Variants in SCAMP4 observed in about 807,000 individuals in gnomAD.
SCAMP4 encodes the protein secretory carrier membrane protein 4.
A neutral mutation model predicts 32.1 loss-of-function variants in SCAMP4; 19 were observed. That is an observed-to-expected ratio of 0.59 (90% CI 0.41 to 0.87). The LOEUF is 0.87. Among genes scored for constraint, SCAMP4 ranks in the 40% least tolerant of loss-of-function variants. The probability of loss-of-function intolerance (pLI) is 0.00; values close to 1 mark genes in which losing one functional copy is unlikely to be tolerated. For missense variants in SCAMP4, 302 were observed against 309.0 expected, an observed-to-expected ratio of 0.98 and a Z score of 0.17; for synonymous variants, 152 against 132.7, an observed-to-expected ratio of 1.15 and a Z score of -1.00.
chr19:1,920,965 A>ATCTCC (rs1156248199), intron 5 of SCAMP4: 87 of 985,276 alleles, frequency 8.8e-5, no homozygotes, highest in Non-Finnish European at 9.5e-5. Context: ...CCCGCAGGTC[A>ATCTCC]CGGGAGAAGC....
intron 4 of SCAMP4, 115 bp downstream of exon 4, chr19:1,918,398 A>G: frequency 2.5e-6 from 3 of 1,184,232 alleles, no homozygotes; most frequent in Non-Finnish European, 3.4e-6. Context: ...TGTGAAAGAC[A>G]GTTCACATCT....
chr19:1,923,650 G>A (rs139320599), intron 6 of SCAMP4, among the ~76,000 whole-genome samples: 2,265 of 114,342 alleles, frequency 0.02, 67 homozygotes, highest in African/African-American at 0.073. Context: ...ACAGAGTCTC[G>A]CTCTGTCACC....
At position 1,914,997 on chromosome 19, in the gene SCAMP4, C is replaced by T. The variant is rs2013682632; in HGVS notation, c.-23C>T. On this transcript the variant is annotated 5_prime_UTR_variant, in exon 2 of 7. Coordinates refer to ENST00000316097, the MANE Select transcript of SCAMP4 (RefSeq NM_079834.4). ...CTTCCAGGCGGCTGCAGGCTTCAGC[C>T]TGCGCTGGTTGGTGAAACAGAGATG... is the stretch of plus-strand genomic sequence containing the variant. 3 of 1,613,778 alleles carry T rather than the reference C, an allele frequency of 1.9e-6. No homozygotes were observed. Among genetic ancestry groups the T allele is most frequent in the Non-Finnish European group, 2.5e-6 (3 of 1,179,834 alleles).
intron 1 of SCAMP4, among the ~76,000 whole-genome samples, chr19:1,914,338 G>C (rs1307424424): frequency 6.6e-6 from 1 of 152,152 alleles, no homozygotes; most frequent in African/African-American, 2.4e-5. Flanking sequence ...CTGGACTGTG[G>C]GCGGGAGGCA....
chr19:1,910,450 G>A (rs1242137178), intron 1 of SCAMP4, among the ~76,000 whole-genome samples: 2 of 152,124 alleles, frequency 1.3e-5, no homozygotes, highest in African/African-American at 4.8e-5. Flanking sequence ...GTAGGGTGGT[G>A]AGACAAGTTT....
At chr19:1,912,032 C>A in intron 1 of SCAMP4, 1 of 1,416,280 alleles carries the variant, frequency 7.1e-7, no homozygotes, top group Non-Finnish European at 9.2e-7. Flanking sequence ...CTCCCCCAGC[C>A]GCCCGCAGCC....
chr19:1,918,773 A>G (rs1599252508), intron 4 of SCAMP4, 116 bp from the exon 5 acceptor site: 1 of 1,434,078 alleles, frequency 7.0e-7, no homozygotes, highest in South Asian at 1.4e-5. Flanking sequence ...AAAAAAAAAA[A>G]AAAGGAATAA....
At chr19:1,917,909 G>A (rs763128437) in intron 3 of SCAMP4, 87 bp downstream of exon 3, 242 of 1,554,296 alleles carry the variant, frequency 1.6e-4, no homozygotes, top group Non-Finnish European at 2.0e-4. Flanking sequence ...GCAGCCCGTC[G>A]GGGGCCCACC....
chr19:1,909,773 A>G (rs1161486647), intron 1 of SCAMP4, among the ~76,000 whole-genome samples: 1 of 152,174 alleles, frequency 6.6e-6, no homozygotes, highest in Non-Finnish European at 1.5e-5. Flanking sequence ...TCTGTGACTG[A>G]GTAAGCAGGG....
rs762871409 is a variant in SCAMP4 at position 1,912,875 on chromosome 19, C to G, written c.-41-2104C>G. Reference sequence around the variant, plus strand: ...CCCCGGCCGCTGCCCCCCAGGCCGTCCGCGCAGGCGCCGTGCGTAAACTGG... The same window carrying G: ...CCCCGGCCGCTGCCCCCCAGGCCGTGCGCGCAGGCGCCGTGCGTAAACTGG... On this transcript the variant is annotated intron_variant, in intron 1 of 6. Coordinates refer to ENST00000316097, the MANE Select transcript of SCAMP4 (RefSeq NM_079834.4). The G allele has an allele frequency of 3.7e-6, 6 of 1,602,638 alleles. No individual in the cohort carries two copies. In the African/African-American group the frequency reaches 6.7e-5, roughly 18 times the overall value.
intron 6 of SCAMP4, among the ~76,000 whole-genome samples, chr19:1,923,615 C>CTTTTTTTTTTTT (rs35226425): frequency 1.2e-5 from 1 of 86,466 alleles, no homozygotes; most frequent in Non-Finnish European, 2.0e-5. Flanking sequence ...CAGCAAAATG[C>CTTTTTTTTTTTT]TTTTTTTTTT....
At chr19:1,911,329 G>T (rs903720730) in intron 1 of SCAMP4, among the ~76,000 whole-genome samples, 28 of 152,126 alleles carry the variant, frequency 1.8e-4, no homozygotes, top group African/African-American at 4.8e-4. Context: ...GTGCCACCAC[G>T]CCCAGCTAAT....
At chr19:1,922,760 C>T in intron 5 of SCAMP4, 1 of 1,041,060 alleles carries the variant, frequency 9.6e-7, no homozygotes, top group Non-Finnish European at 1.2e-6. Flanking sequence ...GCACTGGTCT[C>T]CATTCCCTGC....
In SCAMP4 at chr19:1,924,195, A is replaced by G. The variant is rs2145465159; in HGVS notation, c.601A>G (p.Arg201Gly). 6.2e-7 allele frequency: 1 copy of G among 1,610,288 alleles called. No individual in the cohort carries two copies. The highest frequency in any genetic ancestry group is 1.7e-5 in the Admixed American group (1 of 59,520). ...NTGTWRNPPS[R>G]EAQYNNFSGN... ...GGGCACTTGGCGGAACCCACCGTCG[A>G]GGGAGGCCCAGTACAACAACTTCTC... The change falls in exon 7 of 7, where the codon AGG becomes GGG. Residue 201 changes from arginine (R) to glycine (G), a missense_variant. Arg to Gly is a moderately radical substitution (Grantham distance 125, BLOSUM62 -2). Coordinates refer to ENST00000316097, the MANE Select transcript of SCAMP4 (RefSeq NM_079834.4).
In SCAMP4 at chr19:1,914,981, G is replaced by A. The variant is rs530153133; in HGVS notation, c.-39G>A. 28 of 1,613,596 alleles carry A rather than the reference G, an allele frequency of 1.7e-5. No homozygotes were observed. The highest frequency in any genetic ancestry group is 1.7e-4 in the Middle Eastern group (1 of 6,058). ...GACTGTGGTTGTCTTCCTTCCAGGC[G>A]GCTGCAGGCTTCAGCCTGCGCTGGT... On this transcript the variant is annotated splice_region_variant and 5_prime_UTR_variant, in exon 2 of 7. Transcript: ENST00000316097.
chr19:1,915,549 G>C, intron 2 of SCAMP4: 1 of 170,102 alleles, frequency 5.9e-6, no homozygotes, highest in Non-Finnish European at 1.3e-5. Flanking sequence ...GAACCTGTGA[G>C]TGGGACCTCA....
Position 1,921,968 on chromosome 19 carries a change from G to C in SCAMP4, c.396-1102G>C, listed in dbSNP as rs948107346. ...CGTGCATATCACGCCCCGTGCATGT[G>C]TGTGCATAAGCTCCCCGGACACATC... On this transcript the variant is annotated intron_variant, in intron 5 of 6. Transcript: ENST00000316097. The C allele has an allele frequency of 3.0e-6, 3 of 985,398 alleles. No individual in the cohort carries two copies. The African/African-American group carries it at 5.2e-5, about 17-fold the overall frequency. The allele number at this position is 985,398 out of a possible 1,614,324, so 61.0% of individuals were successfully genotyped here.
At chr19:1,921,562 G>A (rs1015191680) in intron 5 of SCAMP4, 11 of 985,364 alleles carry the variant, frequency 1.1e-5, no homozygotes, top group African/African-American at 1.7e-5. Flanking sequence ...CCTGACACTT[G>A]CATGCGGGGG....
At chr19:1,915,430 A>G (rs181170931) in intron 2 of SCAMP4, 26 of 253,298 alleles carry the variant, frequency 1.0e-4, no homozygotes, top group Non-Finnish European at 1.9e-4. Context: ...TGGCCCTCGC[A>G]GGCGCCCAGG....
Sources: allele counts gnomAD v4.1 joint callset (sites outside exome capture counted in the v4.1 genomes callset), GRCh38; gene constraint gnomAD v4.1.1; transcripts MANE v1.5; gene names NCBI Gene and HGNC (gene_info 2026-07-23, HGNC 2026-07-21).